MLKL: variants seen among roughly 807,000 people sequenced by gnomAD.
MLKL encodes the protein mixed lineage kinase domain like pseudokinase.
Under a neutral mutation model 56.5 loss-of-function variants are expected in MLKL, and 55 were observed. The observed-to-expected ratio is 0.97, with a 90% CI of 0.78 to 1.22. MLKL has a LOEUF of 1.22. Ranked by LOEUF, MLKL falls within the 50% of genes most tolerant of loss-of-function variation. The probability of loss-of-function intolerance (pLI) is 0.00; values close to 1 mark genes in which losing one functional copy is unlikely to be tolerated. For synonymous variants in MLKL, 251 were observed against 208.3 expected, an observed-to-expected ratio of 1.20 and a Z score of -1.76; for missense variants, 694 against 573.9, an observed-to-expected ratio of 1.21 and a Z score of -2.14.
Position 74,685,593 on chromosome 16 carries a change from T to A in MLKL, c.723-10A>T. The stretch of plus-strand genomic sequence containing the variant: ...AGTCTGCCTCACTATTCTATAAGGA[T>A]TAAAGAGAGAAATCAGGATTTCAGA... On this transcript the variant is annotated splice_polypyrimidine_tract_variant and intron_variant, in intron 4 of 10. Transcript: ENST00000308807. The A allele has an allele frequency of 1.2e-6, 2 of 1,603,908 alleles. No individual in the cohort carries two copies. The highest frequency in any genetic ancestry group is 4.5e-5 in the East Asian group (2 of 44,824).
Position 74,678,998 on chromosome 16 carries a change from G to A in MLKL, c.957-18C>T, listed in dbSNP as rs761013188. 59 of 1,609,866 alleles carry A rather than the reference G, an allele frequency of 3.7e-5. No homozygotes were observed. The highest frequency in any genetic ancestry group is 4.4e-5 in the Non-Finnish European group (52 of 1,176,464). ...GGTGTAGCCTGACACAGCCAAAGGC[G>A]GGGAGCATAAGTACCTTTGCCCAAA... On this transcript the variant is annotated intron_variant, in intron 6 of 10. Transcript: ENST00000308807.
chr16:74,676,003 C>G (rs916909131), intron 7 of MLKL: 1 of 510,990 alleles, frequency 2.0e-6, no homozygotes, highest in Non-Finnish European at 3.4e-6. Flanking sequence ...GGGGCGATGA[C>G]AGGGGGGATT....
chr16:74,694,318 G>A (rs1960886792), intron 2 of MLKL, among the ~76,000 whole-genome samples: 1 of 152,162 alleles, frequency 6.6e-6, no homozygotes, highest in South Asian at 2.1e-4. Context: ...GACTTCCCCA[G>A]TTTTAGTACT....
At chr16:74,685,707 C>T (rs1303313971) in intron 4 of MLKL, 124 bp from the exon 5 acceptor site, 3 of 703,532 alleles carry the variant, frequency 4.3e-6, no homozygotes, top group Admixed American at 4.5e-5. Flanking sequence ...AGAACTGGTG[C>T]CAGGATGAAC....
chr16:74,691,308 CT>C lies in MLKL; in HGVS notation c.690del (p.Val231TyrfsTer12), dbSNP rs753823813. ...GEYHRAPVAI[K>X]VFKKLQAGSI... ...CTGCCAGCCTGGAGTTTTTTGAATA[CT>C]TTTATGGCCACTGGAGCTCTGTGGT... On this transcript the variant is annotated frameshift_variant, in exon 4 of 11. Coordinates refer to ENST00000308807, the MANE Select transcript of MLKL (RefSeq NM_152649.4). LOFTEE classifies it high-confidence loss of function. 1 of 1,611,604 alleles carries C rather than the reference CT, an allele frequency of 6.2e-7. No individual in the cohort carries two copies. Among genetic ancestry groups the C allele is most frequent in the South Asian group, 1.1e-5 (1 of 90,748 alleles).
At chr16:74,678,834 C>T (rs921427408) in intron 7 of MLKL, 65 bp downstream of exon 7, 16 of 1,129,132 alleles carry the variant, frequency 1.4e-5, no homozygotes, top group South Asian at 3.7e-5. Flanking sequence ...CTGAGACACT[C>T]GTGCCCCTCT....
chr16:74,691,575 C>T (rs1002548007), intron 3 of MLKL, 112 bp from the exon 4 acceptor site: 2 of 1,208,394 alleles, frequency 1.7e-6, no homozygotes, highest in Non-Finnish European at 1.2e-6. Flanking sequence ...ACTACATGAA[C>T]CAGAGCTGGT....
At chr16:74,700,246 G>A (rs1961306893) in intron 1 of MLKL, among the ~76,000 whole-genome samples, 1 of 152,044 alleles carries the variant, frequency 6.6e-6, no homozygotes, top group African/African-American at 2.4e-5. Flanking sequence ...GACCCCCACT[G>A]CTACTGGGCG....
chr16:74,693,152 T>C (rs1960777800), intron 2 of MLKL, among the ~76,000 whole-genome samples: 1 of 152,132 alleles, frequency 6.6e-6, no homozygotes, highest in Non-Finnish European at 1.5e-5. Context: ...TGGGAATTTC[T>C]CATAAAGATA....
chr16:74,690,432 A>G (rs916094977), intron 4 of MLKL, among the ~76,000 whole-genome samples: 1 of 152,180 alleles, frequency 6.6e-6, no homozygotes, highest in Non-Finnish European at 1.5e-5. Flanking sequence ...CTAAAGGGAA[A>G]CTAAGTATGG....
intron 1 of MLKL, among the ~76,000 whole-genome samples, chr16:74,698,716 A>G (rs1181211982): frequency 6.6e-6 from 1 of 152,230 alleles, no homozygotes; most frequent in East Asian, 1.9e-4. Flanking sequence ...TCAGAAAGCC[A>G]TATCTCAGCA....
intron 3 of MLKL, among the ~76,000 whole-genome samples, chr16:74,691,941 C>T (rs900293425): frequency 6.6e-6 from 1 of 152,216 alleles, no homozygotes; most frequent in Non-Finnish European, 1.5e-5. Context: ...AAGGCAGTGT[C>T]CTTCTCTGCA....
chr16:74,690,429 G>A (rs1327236293), intron 4 of MLKL, among the ~76,000 whole-genome samples: 1 of 152,104 alleles, frequency 6.6e-6, no homozygotes, highest in African/African-American at 2.4e-5. Flanking sequence ...TCCCTAAAGG[G>A]AAACTAAGTA....
At chr16:74,691,053 GTT>G (rs780588238) in intron 4 of MLKL, among the ~76,000 whole-genome samples, 2 of 146,114 alleles carry the variant, frequency 1.4e-5, no homozygotes, top group African/African-American at 2.5e-5. Context: ...AGGGAAAGTT[GTT>G]TTTTTTTTTT....
chr16:74,675,398 T>A lies in MLKL; in HGVS notation c.1197A>T (p.Gly399=). The part of the protein sequence containing the change: ...YDVKSEIYSF[G]IVLWEIATGD... ...CAGTGGCGATTTCCCAGAGGACGAT[T>A]CCAAAGCTAAAAGAAAACCAAGAAA... Residue 399 remains glycine, a synonymous_variant, in exon 9 of 11, where the codon GGA becomes GGT. Transcript: ENST00000308807. 1 of 1,613,892 alleles carries A rather than the reference T, an allele frequency of 6.2e-7. No individual in the cohort carries two copies. Among genetic ancestry groups the A allele is most frequent in the Non-Finnish European group, 8.5e-7 (1 of 1,180,022 alleles).
intron 5 of MLKL, 100 bp downstream of exon 5, chr16:74,685,386 C>A: frequency 7.1e-6 from 6 of 843,898 alleles, no homozygotes; most frequent in Middle Eastern, 2.2e-4. Context: ...TTGTGGATTC[C>A]ACCCTTTGTG....
chr16:74,696,066 A>C (rs1243598647), intron 1 of MLKL, among the ~76,000 whole-genome samples: 1 of 152,134 alleles, frequency 6.6e-6, no homozygotes, highest in East Asian at 1.9e-4. Flanking sequence ...TCTACTTCGG[A>C]CTGGGGCAGC....
intron 2 of MLKL, among the ~76,000 whole-genome samples, chr16:74,693,674 C>T (rs1476473684): frequency 6.7e-6 from 1 of 149,274 alleles, no homozygotes; most frequent in Non-Finnish European, 1.5e-5. Flanking sequence ...GCGATCTCAG[C>T]TCACTGCAGG....
intron 1 of MLKL, among the ~76,000 whole-genome samples, chr16:74,699,480 A>G (rs1439611753): frequency 6.6e-6 from 1 of 152,236 alleles, no homozygotes. Flanking sequence ...TATTAAGTAT[A>G]TGATCTACAA....
Sources: allele counts gnomAD v4.1 joint callset (sites outside exome capture counted in the v4.1 genomes callset), GRCh38; gene constraint gnomAD v4.1.1; transcripts MANE v1.5; gene names NCBI Gene and HGNC (gene_info 2026-07-23, HGNC 2026-07-21).